The following ALX1 variants were observed in gnomAD, a reference collection of about 807,000 sequenced individuals.
The protein encoded by ALX1 is ALX homeobox protein 1.
In ALX1, 19 loss-of-function variants were observed where a neutral mutation model predicts 31.7. The ratio of observed to expected loss-of-function variants is 0.60; its 90% CI spans 0.42 to 0.88. The LOEUF is 0.88. Among genes scored for constraint, ALX1 ranks in the 40% least tolerant of loss-of-function variants. ALX1 has a pLI of 0.00. For missense variants in ALX1, 415 were observed against 407.8 expected (o/e 1.02, Z -0.15); for synonymous variants, 153 against 148.8 (o/e 1.03, Z -0.20).
Position 85,280,459 on chromosome 12 carries a change from G to C in ALX1, c.198G>C (p.Glu66Asp), listed in dbSNP as rs1330229863. Residue 66 changes from glutamate to aspartate, a missense_variant, in exon 1 of 4, where the codon GAG (glutamate) becomes GAC (aspartate). This residue lies in a region of ALX1 where 235 missense variants were observed against 208.9 expected (regional missense o/e 1.13). Coordinates refer to ENST00000316824, the MANE Select transcript of ALX1 (RefSeq NM_006982.3). ...GCGCCGAGCATCACGTGCGCTTGGA[G>C]AGGACCTCGCCCTGTCAGGACAGCA... ...LPRAEHHVRL[E>D]RTSPCQDSSV... 1.2e-6 allele frequency: 2 copies of C among 1,611,708 alleles called. No individual in the cohort carries two copies. The highest frequency in any genetic ancestry group is 2.2e-5 in the South Asian group (2 of 91,000).
At position 85,282,991 on chromosome 12, in the gene ALX1, T is replaced by C. The variant is rs543993478; in HGVS notation, c.227-581T>C. On this transcript the variant is annotated intron_variant, in intron 1 of 3. Transcript: ENST00000316824. ...ATTTTGTCAATTTAGTAGATTATTT[T>C]TGAAGAAAAAGTGTAAATGCAGACA... 4.6e-5 allele frequency among the ~76,000 whole-genome samples: 7 copies of C among 152,296 alleles called. 1 individual carries two copies. In the South Asian group the frequency reaches 1.2e-3, roughly 27 times the overall value.
At chr12:85,285,703 A>C (rs1310817179) in intron 2 of ALX1, among the ~76,000 whole-genome samples, 2 of 151,962 alleles carry the variant, frequency 1.3e-5, no homozygotes, top group Non-Finnish European at 2.9e-5. Flanking sequence ...TTTCAAGTAA[A>C]CTTCAACAAA....
intron 3 of ALX1, among the ~76,000 whole-genome samples, chr12:85,294,958 A>G (rs1027889070): frequency 1.3e-5 from 2 of 151,296 alleles, no homozygotes; most frequent in Non-Finnish European, 3.0e-5. Flanking sequence ...GTACTTTAAG[A>G]ATGTTTAAAA....
chr12:85,283,996 G>T, intron 2 of ALX1, 120 bp downstream of exon 2: 1 of 1,132,342 alleles, frequency 8.8e-7, no homozygotes, highest in Non-Finnish European at 1.3e-6. Context: ...GATGAGAAAC[G>T]GAGTAATATA....
chr12:85,283,453 A>G, intron 1 of ALX1, 119 bp from the exon 2 acceptor site: 2 of 989,108 alleles, frequency 2.0e-6, no homozygotes, highest in Non-Finnish European at 3.1e-6. Context: ...AATTAATACT[A>G]GCACAATAAA....
intron 3 of ALX1, among the ~76,000 whole-genome samples, chr12:85,287,651 C>A (rs371476586): frequency 6.6e-6 from 1 of 150,890 alleles, no homozygotes; most frequent in South Asian, 2.1e-4. Context: ...TCTCATTTTT[C>A]TTTTTCAATA....
Position 85,301,269 on chromosome 12 carries a change from G to T in ALX1, c.775G>T (p.Asp259Tyr). 1 of 1,614,012 alleles carries T rather than the reference G, an allele frequency of 6.2e-7. No homozygotes were observed. Among genetic ancestry groups the T allele is most frequent in the Non-Finnish European group, 8.5e-7 (1 of 1,179,946 alleles). The change falls in exon 4 of 4, where the codon GAT becomes TAT. Residue 259 changes from aspartate (D) to tyrosine (Y), a missense_variant. This residue lies in a region of ALX1 where 174 missense variants were observed against 177.5 expected (regional missense o/e 0.98). Coordinates refer to ENST00000316824, the MANE Select transcript of ALX1 (RefSeq NM_006982.3). ...ACCTTATTCTCACTCGCCTCGGACA[G>T]ATTCCAGTTACACGGGGTTTTCAAA... is the stretch of plus-strand genomic sequence containing the variant. ...MTPYSHSPRT[D>Y]SSYTGFSNHQ... is the part of the protein sequence containing the mutation.
rs1427573821 is a variant in ALX1, at chr12:85,280,327, G to C, written c.66G>C (p.Met22Ile). The change falls in exon 1 of 4, where the codon ATG (methionine) becomes ATC (isoleucine). Residue 22 changes from methionine to isoleucine, a missense_variant. Physicochemically the swap from Met to Ile is conservative, Grantham distance 10 (BLOSUM62 1). Around this residue, in one of 3 missense-constraint regions of ALX1, gnomAD observed 235 missense variants for 208.9 expected, o/e 1.13. Transcript: ENST00000316824. ...SPPSKNSDFY[M>I]GAGGPLEHVM... ...CGAGTAAAAACAGTGACTTTTACAT[G>C]GGCGCAGGAGGTCCTCTGGAGCACG... is the stretch of plus-strand genomic sequence containing the variant. 6.2e-7 allele frequency: 1 copy of C among 1,613,854 alleles called. No homozygotes were observed. Among genetic ancestry groups the C allele is most frequent in the Non-Finnish European group, 8.5e-7 (1 of 1,180,034 alleles).
rs536586618 is a variant in ALX1 at position 85,283,489 on chromosome 12, C to T, written c.227-83C>T. 7.3e-4 allele frequency: 1,033 copies of T among 1,413,256 alleles called. 1 individual carries two copies. Among genetic ancestry groups the T allele is most frequent in the Middle Eastern group, 3.2e-3 (18 of 5,600 alleles). 87.5% of individuals were successfully genotyped at this position (1,413,256 alleles called of 1,614,324 possible). ...TTATTAATAGGCCAATTTCTTGATA[C>T]TCTCAATTACTTCTACTTATTGATT... On this transcript the variant is annotated intron_variant, in intron 1 of 3. Transcript: ENST00000316824.
chr12:85,296,680 T>C (rs1014296578), intron 3 of ALX1, among the ~76,000 whole-genome samples: 4 of 151,556 alleles, frequency 2.6e-5, no homozygotes, highest in African/African-American at 9.7e-5. Flanking sequence ...GATTCTCCAC[T>C]CCTTTTAAAC....
chr12:85,294,048 A>G (rs1044830552), intron 3 of ALX1, among the ~76,000 whole-genome samples: 1 of 151,378 alleles, frequency 6.6e-6, no homozygotes, highest in East Asian at 1.9e-4. Flanking sequence ...AGAGATGATG[A>G]GTAAAATCAA....
At chr12:85,292,985 T>G (rs1593051353) in intron 3 of ALX1, among the ~76,000 whole-genome samples, 1 of 150,050 alleles carries the variant, frequency 6.7e-6, no homozygotes, top group Non-Finnish European at 1.5e-5. Context: ...GTATGATGAG[T>G]GCTTTTACAT....
intron 1 of ALX1, among the ~76,000 whole-genome samples, chr12:85,282,247 A>G (rs1345122350): frequency 2.6e-5 from 4 of 151,376 alleles, no homozygotes; most frequent in African/African-American, 4.9e-5. Context: ...AAAATTTGTT[A>G]TATATATATA....
At chr12:85,282,737 C>T (rs892728458) in intron 1 of ALX1, among the ~76,000 whole-genome samples, 2 of 152,118 alleles carry the variant, frequency 1.3e-5, no homozygotes, top group African/African-American at 4.8e-5. Context: ...TTAAACATCC[C>T]TTAACAGAAT....
intron 2 of ALX1, among the ~76,000 whole-genome samples, 155 bp downstream of exon 2, chr12:85,284,031 AT>A (rs1333079880): frequency 6.6e-5 from 10 of 152,282 alleles, no homozygotes; most frequent in South Asian, 2.1e-4. Context: ...TACTAAAATT[AT>A]TTTTTAATTG....
At chr12:85,281,280 C>G (rs2137374151) in intron 1 of ALX1, among the ~76,000 whole-genome samples, 1 of 152,274 alleles carries the variant, frequency 6.6e-6, no homozygotes, top group East Asian at 1.9e-4. Context: ...TTTGAATGCC[C>G]AAGTATCTCC....
chr12:85,299,645 C>G (rs1172968117), intron 3 of ALX1, among the ~76,000 whole-genome samples: 1 of 151,756 alleles, frequency 6.6e-6, no homozygotes, highest in African/African-American at 2.4e-5. Flanking sequence ...GTTGAAATTA[C>G]TTATTAAGGT....
intron 3 of ALX1, among the ~76,000 whole-genome samples, chr12:85,292,634 T>C (rs1286468882): frequency 2.0e-5 from 3 of 151,186 alleles, no homozygotes; most frequent in Non-Finnish European, 3.0e-5. Context: ...ACACATTCTA[T>C]TTGAAATATT....
At chr12:85,286,744 A>C in intron 2 of ALX1, 109 bp from the exon 3 acceptor site, 1 of 1,017,640 alleles carries the variant, frequency 9.8e-7, no homozygotes, top group Non-Finnish European at 1.4e-6. Flanking sequence ...ATTTCTTTTT[A>C]CGTAATTTTT....
Sources: allele counts gnomAD v4.1 joint callset (sites outside exome capture counted in the v4.1 genomes callset), GRCh38; gene constraint gnomAD v4.1.1; regional missense constraint gnomAD v4.1.1; transcripts MANE v1.5; gene names NCBI Gene and HGNC (gene_info 2026-07-23, HGNC 2026-07-21).